Variants in ASIC2 observed in about 807,000 individuals in gnomAD.
ASIC2 encodes acid sensing ion channel subunit 2.
Under a neutral mutation model 57.3 loss-of-function variants are expected in ASIC2, and 25 were observed. That is an observed-to-expected ratio of 0.44 (90% CI 0.32 to 0.61). The LOEUF is 0.61. Among genes scored for constraint, ASIC2 ranks in the 20% least tolerant of loss-of-function variants. The probability of loss-of-function intolerance (pLI) is 0.06; values close to 1 mark genes in which losing one functional copy is unlikely to be tolerated. For synonymous variants in ASIC2, 319 were observed against 307.5 expected (o/e 1.04, Z -0.39); for missense variants, 641 against 738.1 (o/e 0.87, Z 1.52).
intron 1 of ASIC2, among the ~76,000 whole-genome samples, chr17:34,047,798 C>T (rs1597992665): frequency 6.6e-6 from 1 of 152,092 alleles, no homozygotes; most frequent in African/African-American, 2.4e-5. Context: ...CTGCAGCCCT[C>T]ATAAGTCAGT....
At chr17:33,795,868 GCT>G (rs1326829478) in intron 1 of ASIC2, among the ~76,000 whole-genome samples, 2 of 152,246 alleles carry the variant, frequency 1.3e-5, no homozygotes, top group Non-Finnish European at 2.9e-5. Context: ...TATCCAGGTA[GCT>G]GGAAGACCAA....
chr17:34,110,413 C>A (rs1408070700), intron 1 of ASIC2, among the ~76,000 whole-genome samples: 1 of 152,206 alleles, frequency 6.6e-6, no homozygotes, highest in African/African-American at 2.4e-5. Flanking sequence ...CTTCCTCGCC[C>A]TCTCTCTGCC....
chr17:33,019,437 G>GT (rs2091824946), intron 7 of ASIC2, among the ~76,000 whole-genome samples: 1 of 151,994 alleles, frequency 6.6e-6, no homozygotes, highest in South Asian at 2.1e-4. Flanking sequence ...ACGTGGGGCT[G>GT]TAGAGGTGTG....
At chr17:33,564,954 C>G (rs1036102995) in intron 1 of ASIC2, among the ~76,000 whole-genome samples, 1 of 152,196 alleles carries the variant, frequency 6.6e-6, no homozygotes, top group East Asian at 1.9e-4. Context: ...ATAAGTGATA[C>G]TTTTATTTAA....
chr17:33,665,975 T>C (rs946886203), intron 1 of ASIC2, among the ~76,000 whole-genome samples: 1 of 152,188 alleles, frequency 6.6e-6, no homozygotes, highest in Non-Finnish European at 1.5e-5. Flanking sequence ...ATACATAGGA[T>C]TACATACAGT....
intron 3 of ASIC2, among the ~76,000 whole-genome samples, chr17:33,077,534 C>T (rs886622255): frequency 6.6e-6 from 1 of 152,060 alleles, no homozygotes; most frequent in East Asian, 1.9e-4. Flanking sequence ...ATTTTAATTA[C>T]TCAAAGAGGG....
At chr17:33,691,540 C>T (rs1367918742) in intron 1 of ASIC2, among the ~76,000 whole-genome samples, 2 of 152,134 alleles carry the variant, frequency 1.3e-5, no homozygotes, top group African/African-American at 2.4e-5. Context: ...GTAGTTATTT[C>T]CTTTGCCCAT....
At chr17:34,130,103 G>A (rs1911905888) in intron 1 of ASIC2, among the ~76,000 whole-genome samples, 1 of 152,210 alleles carries the variant, frequency 6.6e-6, no homozygotes, top group Non-Finnish European at 1.5e-5. Context: ...TGGGGTTTAG[G>A]AGTTAATATT....
intron 1 of ASIC2, among the ~76,000 whole-genome samples, chr17:33,379,650 C>A (rs1909407431): frequency 6.6e-6 from 1 of 152,194 alleles, no homozygotes; most frequent in Non-Finnish European, 1.5e-5. Flanking sequence ...GCTCCATTTT[C>A]TTCCTAGGAA....
intron 1 of ASIC2, among the ~76,000 whole-genome samples, chr17:34,108,776 A>AT (rs1347543901): frequency 6.6e-6 from 1 of 151,842 alleles, no homozygotes; most frequent in Non-Finnish European, 1.5e-5. Flanking sequence ...TAGTTCTGTT[A>AT]TTTTTTTCTT....
chr17:33,381,688 G>A (rs201135592), intron 1 of ASIC2, among the ~76,000 whole-genome samples: 4 of 152,180 alleles, frequency 2.6e-5, no homozygotes, highest in African/African-American at 4.8e-5. Context: ...CATGGTATCC[G>A]ACACAGGGTA....
At chr17:33,762,258 A>G (rs1416189690) in intron 1 of ASIC2, among the ~76,000 whole-genome samples, 4 of 152,184 alleles carry the variant, frequency 2.6e-5, no homozygotes, top group Non-Finnish European at 5.9e-5. Context: ...CCTGGGACCC[A>G]AAAGACCTCA....
chr17:33,661,418 G>A (rs907532548), intron 1 of ASIC2, among the ~76,000 whole-genome samples: 10 of 152,158 alleles, frequency 6.6e-5, no homozygotes, highest in Non-Finnish European at 1.3e-4. Flanking sequence ...GCACAATAAC[G>A]AGGGCCATCA....
At chr17:34,151,437 A>G (rs1453670255) in intron 1 of ASIC2, among the ~76,000 whole-genome samples, 2 of 152,192 alleles carry the variant, frequency 1.3e-5, no homozygotes, top group African/African-American at 2.4e-5. Flanking sequence ...ATGAAGCACT[A>G]TGACACACTG....
chr17:33,437,191 G>C (rs1455021581), intron 1 of ASIC2, among the ~76,000 whole-genome samples: 1 of 152,022 alleles, frequency 6.6e-6, no homozygotes, highest in African/African-American at 2.4e-5. Flanking sequence ...CAGGATCTCA[G>C]GCTAGAATGC....
chr17:33,278,756 T>C (rs993888352), intron 1 of ASIC2, among the ~76,000 whole-genome samples: 14 of 152,080 alleles, frequency 9.2e-5, no homozygotes, highest in Non-Finnish European at 1.8e-4. Context: ...AGTCCACATA[T>C]ATTTTTTTTT....
In ASIC2 at chr17:33,178,310, C is replaced by CA. The variant is rs372537583; in HGVS notation, c.709-66244dup. ...AAAATTTTAAAATATGACTGTCATA[C>CA]AAAAAAAAATCCCTGGTTTAGATAG... On this transcript the variant is annotated intron_variant, in intron 1 of 9. Coordinates refer to ENST00000225823, the MANE Select transcript of ASIC2 (RefSeq NM_183377.2). Among the ~76,000 whole-genome samples, 1,457 of 150,508 alleles carry CA rather than the reference C, an allele frequency of 9.7e-3. 23 individuals are homozygous for CA. Among genetic ancestry groups the CA allele is most frequent in the African/African-American group, 0.033 (1,352 of 41,022 alleles).
chr17:33,684,946 G>C (rs927056733), intron 1 of ASIC2, among the ~76,000 whole-genome samples: 1 of 152,162 alleles, frequency 6.6e-6, no homozygotes, highest in African/African-American at 2.4e-5. Context: ...GGAAGTCTAG[G>C]CATGAGACAG....
chr17:33,491,533 G>A (rs376592373), intron 1 of ASIC2, among the ~76,000 whole-genome samples: 16 of 152,298 alleles, frequency 1.1e-4, no homozygotes, highest in East Asian at 7.7e-4. Context: ...GATTTTTGCC[G>A]AACACTGCAT....
Sources: allele counts gnomAD v4.1 joint callset (sites outside exome capture counted in the v4.1 genomes callset), GRCh38; gene constraint gnomAD v4.1.1; transcripts MANE v1.5; gene names NCBI Gene and HGNC (gene_info 2026-07-23, HGNC 2026-07-21).